The following CELF2 variants were observed in gnomAD, a reference collection of about 807,000 sequenced individuals.
The protein encoded by CELF2 is CUG triplet repeat RNA-binding protein 2.
CELF2 carries 8 observed loss-of-function variants against 62.6 expected under a neutral mutation model. The ratio of observed to expected loss-of-function variants is 0.13; its 90% confidence interval spans 0.07 to 0.23. The LOEUF (loss-of-function observed/expected upper bound fraction) is 0.23, where lower values mean the gene tolerates loss of function less well. Among genes scored for constraint, CELF2 ranks in the 10% least tolerant of loss-of-function variants. The probability of loss-of-function intolerance (pLI) is 1.00; values close to 1 mark genes in which losing one functional copy is unlikely to be tolerated. For missense variants in CELF2, 333 were observed against 671.0 expected, an observed-to-expected ratio of 0.50 and a Z score of 5.56; for synonymous variants, 258 against 250.0, an observed-to-expected ratio of 1.03 and a Z score of -0.30.
At chr10:10,500,473 T>TA in the CELF2 span, among the ~76,000 whole-genome samples, 1 of 152,174 alleles carries the variant, frequency 6.6e-6, no homozygotes, top group Non-Finnish European at 1.5e-5. Flanking sequence ...TGATCGTGAA[T>TA]AAGTCTCACA....
the CELF2 span, among the ~76,000 whole-genome samples, chr10:10,507,174 T>C: frequency 6.6e-6 from 1 of 152,192 alleles, no homozygotes; most frequent in Non-Finnish European, 1.5e-5. Context: ...TTCTTTCTTT[T>C]TCTTTTTTAA....
chr10:10,612,024 T>C, the CELF2 span, among the ~76,000 whole-genome samples: 1 of 152,148 alleles, frequency 6.6e-6, no homozygotes, highest in Non-Finnish European at 1.5e-5. Context: ...CCCTCTCTAC[T>C]GGTTATGGTA....
intron 2 of CELF2, among the ~76,000 whole-genome samples, chr10:10,944,648 C>G (rs2047447313): frequency 6.6e-6 from 1 of 151,988 alleles, no homozygotes; most frequent in South Asian, 2.1e-4. Flanking sequence ...GTCACCCAGA[C>G]TGGAGTGCAG....
At position 10,850,557 on chromosome 10, in the gene CELF2, A is replaced by G. The variant is rs372474505; in HGVS notation, c.53+51740A>G. 1.2e-4 allele frequency among the ~76,000 whole-genome samples: 19 copies of G among 152,332 alleles called. No homozygotes were observed. The East Asian group carries it at 3.5e-3, about 28-fold the overall frequency. On this transcript the variant is annotated intron_variant, in intron 1 of 13. Transcript: ENST00000636488. ...TTTCAGCTTCCTCCTTGGATCTCAT[A>G]ATACGAGAAATTATCAGACTCTAGG...
At chr10:11,185,550 G>C (rs564721903) in intron 2 of CELF2, among the ~76,000 whole-genome samples, 2 of 152,278 alleles carry the variant, frequency 1.3e-5, no homozygotes, top group Non-Finnish European at 2.9e-5. Context: ...GAGTAGCTGG[G>C]ATTACAGCCA....
the CELF2 span, among the ~76,000 whole-genome samples, chr10:10,513,609 G>T: frequency 6.6e-6 from 1 of 152,044 alleles, no homozygotes; most frequent in African/African-American, 2.4e-5. Flanking sequence ...TAGCAGGGTT[G>T]CCCACATATA....
chr10:11,258,298 G>A (rs1328274341), intron 5 of CELF2, among the ~76,000 whole-genome samples: 1 of 152,196 alleles, frequency 6.6e-6, no homozygotes, highest in Admixed American at 6.5e-5. Flanking sequence ...GACACAAACT[G>A]GGAAAAAAGC....
chr10:10,643,629 G>C, the CELF2 span, among the ~76,000 whole-genome samples: 1 of 152,138 alleles, frequency 6.6e-6, no homozygotes, highest in African/African-American at 2.4e-5. Flanking sequence ...GTTTAGATCT[G>C]ATTCTTTAGT....
chr10:11,257,570 G>C (rs934269358), intron 4 of CELF2, 168 bp from the exon 5 acceptor site: 13 of 622,248 alleles, frequency 2.1e-5, no homozygotes, highest in Non-Finnish European at 3.3e-5. Context: ...GGGAGTGGCA[G>C]GGTGGGGCGC....
In CELF2 at chr10:11,249,241, G is replaced by A. The variant is rs112631260; in HGVS notation, c.403+40G>A. On this transcript the variant is annotated intron_variant, in intron 4 of 12. Transcript: ENST00000633077. ...ACTGTCTTGCTTAATAATAATATCT[G>A]CTGCTTTAAATTACAAAGTCAGTTG... 2.7e-5 allele frequency: 41 copies of A among 1,533,220 alleles called. No homozygotes were observed. In the African/African-American group the frequency reaches 3.8e-4, roughly 14 times the overall value. 95.0% of individuals were successfully genotyped at this position (1,533,220 alleles called of 1,614,324 possible).
chr10:10,591,745 C>T, the CELF2 span, among the ~76,000 whole-genome samples: 4 of 152,240 alleles, frequency 2.6e-5, no homozygotes, highest in African/African-American at 9.6e-5. Context: ...CAATTCAGTT[C>T]CCAGCCACTC....
chr10:10,644,789 C>T, the CELF2 span, among the ~76,000 whole-genome samples: 1 of 152,174 alleles, frequency 6.6e-6, no homozygotes. Context: ...ACAGCGGGCT[C>T]TTCTGGCAAA....
intron 1 of CELF2, among the ~76,000 whole-genome samples, chr10:10,876,504 A>C (rs2061102280): frequency 1.3e-5 from 2 of 152,026 alleles, no homozygotes; most frequent in Non-Finnish European, 2.9e-5. Context: ...CCTGCCAGAG[A>C]CTCTCACACA....
chr10:10,747,627 C>T, the CELF2 span, among the ~76,000 whole-genome samples: 44,347 of 151,862 alleles, frequency 0.29, 6,931 homozygotes, highest in Middle Eastern at 0.36. Context: ...CTGGCATAAT[C>T]ACAGGATGTA....
At chr10:10,926,830 G>A (rs1422043503) in intron 2 of CELF2, among the ~76,000 whole-genome samples, 1 of 152,182 alleles carries the variant, frequency 6.6e-6, no homozygotes, top group Non-Finnish European at 1.5e-5. Flanking sequence ...TGCCAGGTAG[G>A]TGCTTTTCTT....
At chr10:11,263,097 G>A (rs1470822378) in intron 5 of CELF2, among the ~76,000 whole-genome samples, 2 of 151,850 alleles carry the variant, frequency 1.3e-5, no homozygotes, top group Non-Finnish European at 2.9e-5. Flanking sequence ...TCTTCTCTGT[G>A]ACAGGGCTAC....
chr10:11,151,032 TA>T (rs2063239771), intron 1 of CELF2, among the ~76,000 whole-genome samples: 3 of 137,916 alleles, frequency 2.2e-5, no homozygotes, highest in Admixed American at 2.2e-4. Context: ...AGGAGCAAAA[TA>T]TTAGTTAAGG....
rs150505224 is a variant in CELF2 at position 11,008,296 on chromosome 10, G to A, written c.53+2856G>A. ...ACAGAAAGTAAATATTGCACCCTAA[G>A]CCCTTCTGCCATGAGCTTTGGGAAT... On this transcript the variant is annotated intron_variant, in intron 1 of 12. Coordinates refer to the CELF2 transcript ENST00000416382. This position sits in a 1 kb window ranked among gnomAD's most constrained non-coding sequence, Gnocchi z 4.5. Among the ~76,000 whole-genome samples the A allele has an allele frequency of 2.5e-3, 375 of 152,294 alleles. 2 individuals are homozygous for A. Among genetic ancestry groups the A allele is most frequent in the African/African-American group, 8.9e-3 (368 of 41,568 alleles).
At chr10:11,087,791 A>G (rs1184838856) in intron 1 of CELF2, among the ~76,000 whole-genome samples, 5 of 152,196 alleles carry the variant, frequency 3.3e-5, no homozygotes, top group African/African-American at 4.8e-5. Flanking sequence ...CCAGGCACCT[A>G]AAGTCAAAAT....
Sources: gnomAD v4.1 joint callset for allele counts (sites outside exome capture counted in the v4.1 genomes callset) on GRCh38, gnomAD v4.1.1 for gene constraint, Gnocchi (gnomAD v3.1) non-coding constraint, MANE v1.5 for transcripts, NCBI Gene and HGNC (gene_info 2026-07-23, HGNC 2026-07-21) for gene names.